The following EVL variants were observed in gnomAD, a reference collection of about 807,000 sequenced individuals.
EVL encodes the protein ena/VASP-like protein.
In EVL, 21 loss-of-function variants were observed where a neutral mutation model predicts 59.6. That is an observed-to-expected ratio of 0.35 (90% CI 0.25 to 0.51). The LOEUF (loss-of-function observed/expected upper bound fraction) is 0.51. EVL is among the 20% of genes least tolerant of loss of function. The pLI, the probability that EVL is intolerant of heterozygous loss-of-function variation, is 0.97. For missense variants in EVL, 462 were observed against 546.6 expected, an observed-to-expected ratio of 0.85 and a Z score of 1.54; for synonymous variants, 198 against 203.5, an observed-to-expected ratio of 0.97 and a Z score of 0.23.
Position 99,972,737 on chromosome 14 carries a change from C to T in EVL, c.5+680C>T, listed in dbSNP as rs2060743064. ...TTGCTTCTGCCAGAAGCCCGGTGCC[C>T]TCTCCCAGTCGCTAAACCCTCCCTT... On this transcript the variant is annotated intron_variant, in intron 1 of 13. Transcript: ENST00000402714. This position sits in a 1 kb window ranked among gnomAD's most constrained non-coding sequence, Gnocchi z 4.4. Among the ~76,000 whole-genome samples, 1 of 152,122 alleles carries T rather than the reference C, an allele frequency of 6.6e-6. No individual in the cohort carries two copies. Among genetic ancestry groups the T allele is most frequent in the Non-Finnish European group, 1.5e-5 (1 of 68,022 alleles).
At chr14:100,050,450 C>T (rs374461252) in intron 1 of EVL, among the ~76,000 whole-genome samples, 8 of 151,234 alleles carry the variant, frequency 5.3e-5, no homozygotes, top group South Asian at 2.1e-4. Flanking sequence ...CCTGGGTTCA[C>T]GCCATTCTCC....
intron 1 of EVL, among the ~76,000 whole-genome samples, chr14:99,990,059 A>G (rs1272811098): frequency 1.3e-5 from 2 of 152,220 alleles, no homozygotes; most frequent in East Asian, 3.8e-4. Context: ...AGTCTTCTCT[A>G]GGTTAAACAC....
intron 1 of EVL, among the ~76,000 whole-genome samples, chr14:100,043,103 C>A (rs1332074045): frequency 6.6e-6 from 1 of 152,024 alleles, no homozygotes; most frequent in Non-Finnish European, 1.5e-5. Flanking sequence ...CACCATGGAA[C>A]AACATGGCAT....
At chr14:100,049,906 TGACC>T (rs1420700096) in intron 1 of EVL, among the ~76,000 whole-genome samples, 1 of 152,224 alleles carries the variant, frequency 6.6e-6, no homozygotes, top group African/African-American at 2.4e-5. Context: ...AGACAATATG[TGACC>T]TTTGTGACTG....
At chr14:99,996,156 AT>A (rs576041164) in intron 1 of EVL, among the ~76,000 whole-genome samples, 4,845 of 143,922 alleles carry the variant, frequency 0.034, 160 homozygotes, top group African/African-American at 0.087. Context: ...GGGATTTGGG[AT>A]TTTTTTTTTT....
chr14:100,037,133 A>G (rs937245950), intron 1 of EVL, among the ~76,000 whole-genome samples: 5 of 152,222 alleles, frequency 3.3e-5, no homozygotes, highest in Non-Finnish European at 5.9e-5. Flanking sequence ...GTATTTTGTT[A>G]TGGCAGCCTG....
chr14:99,985,367 T>C lies in EVL; in HGVS notation c.5+13310T>C, dbSNP rs573596161. Among the ~76,000 whole-genome samples the C allele has an allele frequency of 3.2e-3, 486 of 152,276 alleles. 3 individuals carry two copies. The highest frequency in any genetic ancestry group is 4.9e-3 in the Non-Finnish European group (334 of 68,022). On this transcript the variant is annotated intron_variant, in intron 1 of 13. Transcript: ENST00000402714. ...ATTTTGACTGGGCTTATCTTCTGTT[T>C]TGGTTCTTCACCTTTGTACTTCCTT...
chr14:100,141,591 G>T, intron 12 of EVL, 145 bp from the exon 13 acceptor site: 1 of 714,000 alleles, frequency 1.4e-6, no homozygotes. Context: ...CTCAGCGTGG[G>T]AAGGGGGCCA....
At position 100,129,635 on chromosome 14, in the gene EVL, G is replaced by A. The variant is rs1240284737; in HGVS notation, c.790G>A (p.Gly264Ser). The stretch of plus-strand genomic sequence containing the variant: ...CGATGCCAACCGGGCAAGCAGCGGG[G>A]GTGGCGGAGGAGGCCTCATGGAGGA... ...KSDANRASSGGGGGGLMEEMN... is the reference protein window; with the variant it reads ...KSDANRASSGSGGGGLMEEMN... The change falls in exon 7 of 14, where the codon GGT (glycine) becomes AGT (serine). Residue 264 changes from glycine (G) to serine (S), a missense_variant. Physicochemically the swap from Gly to Ser is moderately conservative, Grantham distance 56 (BLOSUM62 0). Transcript: ENST00000392920. 6 of 1,609,574 alleles carry A rather than the reference G, an allele frequency of 3.7e-6. No individual in the cohort carries two copies. The African/African-American group carries it at 8.0e-5, about 21-fold the overall frequency.
chr14:100,099,222 A>G (rs904217150), intron 3 of EVL, among the ~76,000 whole-genome samples: 6 of 150,608 alleles, frequency 4.0e-5, no homozygotes, highest in African/African-American at 1.2e-4. Context: ...ACTGGGCCTG[A>G]TATATTGGAG....
chr14:99,982,432 A>T (rs2060813337), intron 1 of EVL, among the ~76,000 whole-genome samples: 1 of 152,204 alleles, frequency 6.6e-6, no homozygotes, highest in Non-Finnish European at 1.5e-5. Flanking sequence ...ATACTACCAG[A>T]ATGTTAATTT....
intron 1 of EVL, among the ~76,000 whole-genome samples, chr14:100,041,150 C>T (rs1425997786): frequency 1.3e-5 from 2 of 152,230 alleles, no homozygotes; most frequent in Non-Finnish European, 2.9e-5. Flanking sequence ...TCCTCTTCCC[C>T]CATTCCTTTT....
chr14:100,141,886 T>C, intron 13 of EVL, 93 bp downstream of exon 13: 1 of 1,149,970 alleles, frequency 8.7e-7, no homozygotes, highest in Admixed American at 2.2e-5. Flanking sequence ...AGTTTTGAGC[T>C]GGAGCCCATA....
At chr14:100,011,678 C>CT (rs1012480940) in intron 1 of EVL, among the ~76,000 whole-genome samples, 4 of 152,172 alleles carry the variant, frequency 2.6e-5, no homozygotes, top group African/African-American at 9.7e-5. Flanking sequence ...CTATGATACT[C>CT]TGTCAGCCCT....
At chr14:100,099,408 A>C (rs981793339) in intron 3 of EVL, among the ~76,000 whole-genome samples, 12 of 152,094 alleles carry the variant, frequency 7.9e-5, no homozygotes, top group African/African-American at 2.9e-4. Context: ...ACACTGTAGG[A>C]GAGTTTTGTG....
At chr14:100,084,052 CTTTT>C (rs548584469) in intron 1 of EVL, among the ~76,000 whole-genome samples, 2 of 134,684 alleles carry the variant, frequency 1.5e-5, no homozygotes, top group Non-Finnish European at 3.1e-5. Context: ...CTCTCTCTCT[CTTTT>C]TTTTTTTTTT....
intron 5 of EVL, 117 bp from the exon 6 acceptor site, chr14:100,128,402 C>G (rs140216369): frequency 0.033 from 34,039 of 1,029,694 alleles, 688 homozygotes; most frequent in Non-Finnish European, 0.042. Context: ...AGCTGTTTCT[C>G]ATCCCTTTGG....
intron 1 of EVL, among the ~76,000 whole-genome samples, chr14:100,083,106 G>A (rs937051568): frequency 9.9e-5 from 15 of 152,206 alleles, no homozygotes; most frequent in African/African-American, 3.1e-4. Flanking sequence ...GCAAATGGTA[G>A]AGCTGGGCAC....
At chr14:100,025,333 T>A (rs2061192407) in intron 1 of EVL, among the ~76,000 whole-genome samples, 1 of 152,116 alleles carries the variant, frequency 6.6e-6, no homozygotes, top group Non-Finnish European at 1.5e-5. Context: ...TGCTGTTCCT[T>A]GAACACACCA....
Sources: gnomAD v4.1 joint callset for allele counts (sites outside exome capture counted in the v4.1 genomes callset) on GRCh38, gnomAD v4.1.1 for gene constraint, Gnocchi (gnomAD v3.1) non-coding constraint, MANE v1.5 for transcripts, NCBI Gene and HGNC (gene_info 2026-07-23, HGNC 2026-07-21) for gene names.